Variants in PCDH11X observed in about 807,000 individuals in gnomAD.
PCDH11X encodes protocadherin-11 X-linked.
In PCDH11X, 18 loss-of-function variants were observed where a neutral mutation model predicts 53.3. That is an observed-to-expected ratio of 0.34 (90% CI 0.23 to 0.50). The LOEUF (loss-of-function observed/expected upper bound fraction) is 0.50, where lower values mean the gene tolerates loss of function less well. PCDH11X is among the 20% of genes least tolerant of loss of function. PCDH11X has a pLI of 0.98. For missense variants in PCDH11X, 570 were observed against 1,032.4 expected, an observed-to-expected ratio of 0.55 and a Z score of 6.14; for synonymous variants, 279 against 393.3, an observed-to-expected ratio of 0.71 and a Z score of 3.44.
At chrX:92,104,886 T>C (rs1183215017) in intron 6 of PCDH11X, among the ~76,000 whole-genome samples, 3 of 110,154 alleles carry the variant, frequency 2.7e-5, no homozygotes, top group Non-Finnish European at 5.7e-5. Context: ...AAATAAGCGA[T>C]TGGGGGGTTC....
At chrX:92,283,715 G>A (rs1466255441) in intron 8 of PCDH11X, among the ~76,000 whole-genome samples, 1 of 111,539 alleles carries the variant, frequency 9.0e-6, no homozygotes, top group Non-Finnish European at 1.9e-5. Context: ...AAAATGTCCA[G>A]TGTGTCTAAG....
At chrX:92,198,176 A>G (rs1271537890) in intron 6 of PCDH11X, among the ~76,000 whole-genome samples, 1 of 105,613 alleles carries the variant, frequency 9.5e-6, no homozygotes, top group Non-Finnish European at 1.9e-5. Flanking sequence ...CAAACAGATC[A>G]CTTGAGCTCA....
At chrX:92,433,513 C>T (rs1057333850) in intron 9 of PCDH11X, among the ~76,000 whole-genome samples, 3 of 109,832 alleles carry the variant, frequency 2.7e-5, no homozygotes, top group East Asian at 5.8e-4. Flanking sequence ...ATGCTCTATT[C>T]CTTTCTCTTA....
At chrX:92,116,608 A>G (rs2064643258) in intron 6 of PCDH11X, among the ~76,000 whole-genome samples, 1 of 111,783 alleles carries the variant, frequency 8.9e-6, no homozygotes, top group Non-Finnish European at 1.9e-5. Flanking sequence ...ATTTTTTGAG[A>G]CAGGGTCTCC....
intron 6 of PCDH11X, among the ~76,000 whole-genome samples, chrX:92,106,473 T>C (rs906886882): frequency 2.2e-4 from 25 of 111,853 alleles, no homozygotes; most frequent in African/African-American, 8.1e-4. Context: ...TGGAGCAAAA[T>C]TGGAAGTAAC....
intron 10 of PCDH11X, among the ~76,000 whole-genome samples, chrX:92,516,916 G>A (rs1195642743): frequency 1.8e-5 from 2 of 112,457 alleles, no homozygotes; most frequent in South Asian, 3.6e-4. Context: ...GACCTGGCAA[G>A]AGAAATGTAA....
chrX:92,173,535 A>G (rs1489109323), intron 6 of PCDH11X, among the ~76,000 whole-genome samples: 1 of 110,176 alleles, frequency 9.1e-6, no homozygotes, highest in Non-Finnish European at 1.9e-5. Flanking sequence ...GTCACATATT[A>G]TTGATGACTT....
intron 6 of PCDH11X, among the ~76,000 whole-genome samples, chrX:92,165,446 G>A (rs1174000833): frequency 9.0e-6 from 1 of 111,088 alleles, no homozygotes; most frequent in Non-Finnish European, 1.9e-5. Flanking sequence ...GTCTGTACAG[G>A]GTATTTGTAA....
At chrX:92,136,655 G>A (rs1261843403) in intron 6 of PCDH11X, among the ~76,000 whole-genome samples, 1 of 103,800 alleles carries the variant, frequency 9.6e-6, no homozygotes, top group Admixed American at 1.1e-4. Context: ...GGGGCCCCAT[G>A]AAGCCTGAAA....
chrX:92,048,255 AC>A (rs1292862372), intron 6 of PCDH11X, among the ~76,000 whole-genome samples: 5 of 103,162 alleles, frequency 4.8e-5, no homozygotes, highest in African/African-American at 1.5e-4. Flanking sequence ...AAAAAAAAAA[AC>A]CGACTTTCTC....
intron 1 of PCDH11X, among the ~76,000 whole-genome samples, chrX:91,793,790 T>G (rs1182674047): frequency 9.0e-6 from 1 of 111,264 alleles, no homozygotes; most frequent in Non-Finnish European, 1.9e-5. Context: ...TAAGTACTGG[T>G]AATGCTTGAT....
chrX:91,795,432 G>C (rs1462377379), intron 1 of PCDH11X, among the ~76,000 whole-genome samples: 1 of 110,438 alleles, frequency 9.1e-6, no homozygotes, highest in Non-Finnish European at 1.9e-5. Flanking sequence ...TAAATCACAT[G>C]TATAATGATC....
At chrX:91,843,302 T>C (rs1336570374) in intron 5 of PCDH11X, among the ~76,000 whole-genome samples, 9 of 103,009 alleles carry the variant, frequency 8.7e-5, no homozygotes, top group African/African-American at 3.2e-4. Flanking sequence ...TGTGTGTGTG[T>C]ATCTTTTTTC....
At chrX:92,223,172 T>G (rs1307878865) in intron 7 of PCDH11X, among the ~76,000 whole-genome samples, 2 of 111,917 alleles carry the variant, frequency 1.8e-5, no homozygotes, top group African/African-American at 6.5e-5. Context: ...CATACTTATG[T>G]TCCAAACTGG....
intron 5 of PCDH11X, among the ~76,000 whole-genome samples, chrX:91,860,918 A>G (rs1188641826): frequency 1.8e-5 from 2 of 111,682 alleles, no homozygotes; most frequent in African/African-American, 6.5e-5. Flanking sequence ...ATTGGCCTGA[A>G]GTTTCATTAT....
intron 8 of PCDH11X, among the ~76,000 whole-genome samples, chrX:92,328,669 G>C (rs760504104): frequency 9.0e-6 from 1 of 110,803 alleles, no homozygotes; most frequent in Non-Finnish European, 1.9e-5. Context: ...TACTGTATAC[G>C]TTTGACAACT....
At chrX:92,447,071 G>C (rs1194582407) in intron 9 of PCDH11X, among the ~76,000 whole-genome samples, 1 of 111,998 alleles carries the variant, frequency 8.9e-6, no homozygotes, top group Non-Finnish European at 1.9e-5. Context: ...AAATTTCTAA[G>C]TGGCAAAGCA....
At chrX:92,278,580 G>T (rs1434863261) in intron 8 of PCDH11X, among the ~76,000 whole-genome samples, 2 of 110,631 alleles carry the variant, frequency 1.8e-5, no homozygotes, top group South Asian at 3.9e-4. Context: ...GGTGCTCAGT[G>T]GGGGAGCTTC....
chrX:92,452,559 A>T (rs2072820732), intron 9 of PCDH11X, among the ~76,000 whole-genome samples: 1 of 87,355 alleles, frequency 1.1e-5, no homozygotes, highest in African/African-American at 4.4e-5. Context: ...GTGCAGTGGC[A>T]TGATCTCTGC....
Sources: gnomAD v4.1 joint callset for allele counts (sites outside exome capture counted in the v4.1 genomes callset) on GRCh38, gnomAD v4.1.1 for gene constraint, MANE v1.5 for transcripts, NCBI Gene and HGNC (gene_info 2026-07-23, HGNC 2026-07-21) for gene names.